Variants in PPP2R3A observed in about 807,000 individuals in gnomAD.
The protein encoded by PPP2R3A is protein phosphatase 2 regulatory subunit B''alpha.
PPP2R3A carries 80 observed loss-of-function variants against 106.9 expected under a neutral mutation model. The ratio of observed to expected loss-of-function variants is 0.75; its 90% CI spans 0.62 to 0.90. The LOEUF (loss-of-function observed/expected upper bound fraction) is 0.90. PPP2R3A is among the 40% of genes least tolerant of loss of function. The pLI, the probability that PPP2R3A is intolerant of heterozygous loss-of-function variation, is 0.00. For missense variants in PPP2R3A, 1,386 were observed against 1,350.4 expected, an observed-to-expected ratio of 1.03 and a Z score of -0.41; for synonymous variants, 483 against 468.3, an observed-to-expected ratio of 1.03 and a Z score of -0.41.
At chr3:136,129,728 C>A in intron 13 of PPP2R3A, among the ~76,000 whole-genome samples, 1 of 152,228 alleles carries the variant, frequency 6.6e-6, no homozygotes, top group East Asian at 1.9e-4. Flanking sequence ...TGAGAATTTC[C>A]GGCCAGTATC....
chr3:136,123,678 G>A (rs1938080882), intron 13 of PPP2R3A, among the ~76,000 whole-genome samples: 1 of 152,174 alleles, frequency 6.6e-6, no homozygotes, highest in Non-Finnish European at 1.5e-5. Context: ...TGCTTCACTA[G>A]TGTTAAAATG....
chr3:136,030,822 GT>G (rs1559878297), intron 3 of PPP2R3A, among the ~76,000 whole-genome samples: 1 of 137,980 alleles, frequency 7.2e-6, no homozygotes, highest in Non-Finnish European at 1.5e-5. Flanking sequence ...ATGTATGTAT[GT>G]ATACACACAC....
At position 136,082,408 on chromosome 3, in the gene PPP2R3A, A is replaced by G; in HGVS notation, c.2775A>G (p.Arg925=). 1 of 1,613,832 alleles carries G rather than the reference A, an allele frequency of 6.2e-7. No individual in the cohort carries two copies. Among genetic ancestry groups the G allele is most frequent in the Non-Finnish European group, 8.5e-7 (1 of 1,179,748 alleles). The change falls in exon 8 of 14, where the codon CGA becomes CGG. Residue 925 remains arginine, a synonymous_variant. Coordinates refer to ENST00000264977, the MANE Select transcript of PPP2R3A (RefSeq NM_002718.5). The part of the protein sequence containing the change: ...DLYISQADLS[R]YNDQASSSRI... Reference sequence around the variant, plus strand: ...ACATCAGCCAGGCCGATCTGTCTCGATACAATGACCAGGGTAAGTGATTCT... The same window carrying G: ...ACATCAGCCAGGCCGATCTGTCTCGGTACAATGACCAGGGTAAGTGATTCT...
At chr3:136,134,744 G>GA (rs35686361) in intron 13 of PPP2R3A, among the ~76,000 whole-genome samples, 1 of 147,462 alleles carries the variant, frequency 6.8e-6, no homozygotes, top group East Asian at 2.2e-4. Context: ...TAACAAATGG[G>GA]AAAAAATTAT....
At chr3:135,984,535 G>A (rs1258285998) in intron 1 of PPP2R3A, among the ~76,000 whole-genome samples, 4 of 152,096 alleles carry the variant, frequency 2.6e-5, no homozygotes, top group African/African-American at 9.7e-5. Context: ...CTGCTGGGAG[G>A]TAATTGGATC....
intron 10 of PPP2R3A, among the ~76,000 whole-genome samples, chr3:136,101,104 C>G (rs943494951): frequency 2.0e-5 from 3 of 152,146 alleles, no homozygotes; most frequent in Non-Finnish European, 4.4e-5. Flanking sequence ...GGCCTAGAGA[C>G]TAAGCAGCCC....
chr3:135,995,544 T>G (rs138899019), intron 1 of PPP2R3A, among the ~76,000 whole-genome samples: 530 of 142,790 alleles, frequency 3.7e-3, no homozygotes, highest in Non-Finnish European at 5.4e-3. Context: ...AGCCTTAGAC[T>G]CACTGCAGCC....
In PPP2R3A at chr3:135,995,447, A is replaced by ATTTT. The variant is rs60359404; in HGVS notation, c.-440-5590_-440-5587dup. The stretch of plus-strand genomic sequence containing the variant: ...AGTTCTATGAGACTTACGTTGACAG[A>ATTTT]TTTTTTTTTTTTTTTTTTTTTTTTT... On this transcript the variant is annotated intron_variant, in intron 1 of 13. Transcript: ENST00000264977. 8.5e-4 allele frequency among the ~76,000 whole-genome samples: 74 copies of ATTTT among 87,312 alleles called. 1 individual carries two copies. The highest frequency in any genetic ancestry group is 1.5e-3 in the East Asian group (4 of 2,660). The allele number at this position is 87,312 out of a possible 152,430, so 57.3% of individuals were successfully genotyped here. A position where few individuals can be genotyped will look rare whatever the true frequency, so the allele number is the denominator to read the frequency against.
chr3:135,974,550 C>T (rs1444833483), intron 1 of PPP2R3A, among the ~76,000 whole-genome samples: 1 of 152,190 alleles, frequency 6.6e-6, no homozygotes, highest in African/African-American at 2.4e-5. Context: ...CCTGTGCTTG[C>T]TTTGTCCCAG....
At position 136,145,188 on chromosome 3, in the gene PPP2R3A, C is replaced by T. The variant is rs763322635; in HGVS notation, c.*22C>T. ...ATAGCTGCCGGTGTCTACAATGAAA[C>T]GAAGATGTGTATTTTAAATGTTTCT... On this transcript the variant is annotated 3_prime_UTR_variant, in exon 14 of 14. Transcript: ENST00000264977. The T allele has an allele frequency of 1.1e-4, 169 of 1,591,436 alleles. No homozygotes were observed. Among genetic ancestry groups the T allele is most frequent in the Non-Finnish European group, 1.4e-4 (162 of 1,172,574 alleles).
intron 5 of PPP2R3A, among the ~76,000 whole-genome samples, chr3:136,058,701 C>G (rs552483516): frequency 2.6e-5 from 4 of 152,116 alleles, no homozygotes. Context: ...ATAGCCAAGG[C>G]AATCCTAAGC....
chr3:136,045,714 C>T (rs1168506310), intron 4 of PPP2R3A, among the ~76,000 whole-genome samples: 1 of 152,214 alleles, frequency 6.6e-6, no homozygotes, highest in Non-Finnish European at 1.5e-5. Flanking sequence ...AGGGATCCCT[C>T]ACCCTTGACC....
intron 2 of PPP2R3A, among the ~76,000 whole-genome samples, chr3:136,011,959 A>G (rs1260193167): frequency 1.3e-5 from 2 of 149,954 alleles, no homozygotes; most frequent in Admixed American, 1.3e-4. Flanking sequence ...CCCACCCACA[A>G]TTACTGAGAA....
chr3:136,133,662 T>G (rs1394861907), intron 13 of PPP2R3A, among the ~76,000 whole-genome samples: 1 of 152,046 alleles, frequency 6.6e-6, no homozygotes, highest in Non-Finnish European at 1.5e-5. Flanking sequence ...ATAACAGCAT[T>G]ATTCCTAGTA....
intron 13 of PPP2R3A, among the ~76,000 whole-genome samples, chr3:136,136,467 T>C (rs1938627662): frequency 6.6e-6 from 1 of 152,154 alleles, no homozygotes; most frequent in Non-Finnish European, 1.5e-5. Flanking sequence ...ATCTGTTGCA[T>C]GAACAGCAGG....
intron 13 of PPP2R3A, among the ~76,000 whole-genome samples, chr3:136,138,458 G>C (rs983107588): frequency 9.2e-5 from 14 of 152,016 alleles, no homozygotes; most frequent in Non-Finnish European, 2.9e-5. Context: ...CTACTTCCTG[G>C]GACAGGAAAG....
rs919683035 is a variant in PPP2R3A, at chr3:136,055,746, A to G, written c.2469+6385A>G. 8.9e-6 allele frequency: 6 copies of G among 673,332 alleles called. No individual in the cohort carries two copies. In the Admixed American group the frequency reaches 9.4e-5, roughly 11 times the overall value. 41.7% of individuals were successfully genotyped at this position (673,332 alleles called of 1,614,324 possible). On this transcript the variant is annotated intron_variant, in intron 5 of 13. Transcript: ENST00000264977. ...TACCACTACTTGGGAAATCATCTTTATGGAATGTGGTGATGAGAATTTTTT... is the reference window on the plus strand; with the variant it reads ...TACCACTACTTGGGAAATCATCTTTGTGGAATGTGGTGATGAGAATTTTTT...
rs1333792294 is a variant in PPP2R3A at position 136,128,071 on chromosome 3, A to C, written c.3330-16972A>C. On this transcript the variant is annotated intron_variant, in intron 13 of 13. Transcript: ENST00000264977. ...CCACTGCAAAAACATGCCAAATTTT[A>C]AAGACCATCGATGCTATGAAGAAAC... Among the ~76,000 whole-genome samples the C allele has an allele frequency of 3.3e-5, 5 of 152,234 alleles. No individual in the cohort carries two copies. The East Asian group carries it at 9.6e-4, about 29-fold the overall frequency.
chr3:135,995,338 CAT>C (rs1013256256), intron 1 of PPP2R3A, among the ~76,000 whole-genome samples: 5 of 151,672 alleles, frequency 3.3e-5, no homozygotes, highest in Non-Finnish European at 5.9e-5. Context: ...TTATAAAACT[CAT>C]TATTTCATAT....
Sources: allele counts gnomAD v4.1 joint callset (sites outside exome capture counted in the v4.1 genomes callset), GRCh38; gene constraint gnomAD v4.1.1; transcripts MANE v1.5; gene names NCBI Gene and HGNC (gene_info 2026-07-23, HGNC 2026-07-21).